Variants in NPLOC4 observed in about 807,000 individuals in gnomAD.
NPLOC4 encodes the protein nuclear protein localization protein 4 homolog.
Under a neutral mutation model 80.6 loss-of-function variants are expected in NPLOC4, and 18 were observed. That is an observed-to-expected ratio of 0.22 (90% CI 0.15 to 0.33). NPLOC4 has a LOEUF of 0.33. NPLOC4 is among the 10% of genes least tolerant of loss of function. NPLOC4 has a pLI of 1.00. For synonymous variants in NPLOC4, 313 were observed against 301.5 expected, an observed-to-expected ratio of 1.04 and a Z score of -0.39; for missense variants, 540 against 786.1, an observed-to-expected ratio of 0.69 and a Z score of 3.74.
intron 1 of NPLOC4, among the ~76,000 whole-genome samples, chr17:81,636,016 A>G (rs533707750): frequency 1.1e-4 from 17 of 150,072 alleles, no homozygotes; most frequent in African/African-American, 3.2e-4. Flanking sequence ...TCTATAGCCC[A>G]GGCTGGAGTG....
At chr17:81,623,097 A>T (rs1171963532) in intron 2 of NPLOC4, among the ~76,000 whole-genome samples, 1 of 140,852 alleles carries the variant, frequency 7.1e-6, no homozygotes, top group East Asian at 2.2e-4. Context: ...GTGAGGCTGA[A>T]GCAGGAGAAT....
At chr17:81,605,408 A>C in intron 7 of NPLOC4, among the ~76,000 whole-genome samples, 1 of 152,120 alleles carries the variant, frequency 6.6e-6, no homozygotes, top group East Asian at 1.9e-4. Flanking sequence ...GCACTATGGG[A>C]GGTGAGGCAG....
intron 3 of NPLOC4, among the ~76,000 whole-genome samples, chr17:81,619,139 C>G (rs2035590537): frequency 6.6e-6 from 1 of 151,878 alleles, no homozygotes; most frequent in Non-Finnish European, 1.5e-5. Context: ...GACCTTCCCT[C>G]CACTATTGTC....
chr17:81,579,543 C>A (rs2034384473), intron 12 of NPLOC4, among the ~76,000 whole-genome samples: 1 of 152,060 alleles, frequency 6.6e-6, no homozygotes, highest in Non-Finnish European at 1.5e-5. Flanking sequence ...CTGTGGCTTC[C>A]TGTGAGCAAG....
chr17:81,596,057 A>T, intron 11 of NPLOC4, 59 bp downstream of exon 11: 1 of 1,531,558 alleles, frequency 6.5e-7, no homozygotes. Context: ...TACCAAAAAG[A>T]GGAACAAAAT....
At chr17:81,578,691 GCACT>G (rs2034363131) in intron 12 of NPLOC4, among the ~76,000 whole-genome samples, 1 of 152,110 alleles carries the variant, frequency 6.6e-6, no homozygotes, top group Non-Finnish European at 1.5e-5. Flanking sequence ...TTGTGAGAAT[GCACT>G]CACTATCACT....
chr17:81,603,655 C>T (rs946305243), intron 8 of NPLOC4, among the ~76,000 whole-genome samples: 10 of 152,206 alleles, frequency 6.6e-5, no homozygotes, highest in African/African-American at 2.4e-4. Context: ...AAGAATTTTA[C>T]AGTGAATACT....
chr17:81,636,999 AC>A lies in NPLOC4; in HGVS notation c.-70del. 1 of 1,075,264 alleles carries A rather than the reference AC, an allele frequency of 9.3e-7. No homozygotes were observed. The highest frequency in any genetic ancestry group is 1.2e-6 in the Non-Finnish European group (1 of 852,396). 66.6% of individuals were successfully genotyped at this position (1,075,264 alleles called of 1,614,324 possible). On this transcript the variant is annotated 5_prime_UTR_variant, in exon 1 of 17. Coordinates refer to ENST00000331134, the MANE Select transcript of NPLOC4 (RefSeq NM_017921.4). ...GCCTGCCGCCCCAAGGGCCTCGCAG[AC>A]CCGGCCGCGGCCTCAGCCCCGGCCC... is the stretch of plus-strand genomic sequence containing the variant.
chr17:81,597,936 T>C (rs1290636182), intron 9 of NPLOC4, among the ~76,000 whole-genome samples: 1 of 140,926 alleles, frequency 7.1e-6, no homozygotes, highest in African/African-American at 2.7e-5. Flanking sequence ...CTACTAAAAA[T>C]AGAAAAAAAT....
intron 11 of NPLOC4, among the ~76,000 whole-genome samples, chr17:81,594,458 C>T (rs1454310435): frequency 1.3e-5 from 2 of 152,150 alleles, no homozygotes; most frequent in Non-Finnish European, 2.9e-5. Context: ...CTGGGCAACA[C>T]AGCAAGACTT....
intron 12 of NPLOC4, among the ~76,000 whole-genome samples, chr17:81,574,306 C>T (rs1475520493): frequency 6.6e-6 from 1 of 152,122 alleles, no homozygotes; most frequent in Non-Finnish European, 1.5e-5. Flanking sequence ...TCATGCTATT[C>T]TCTTTCAAAC....
chr17:81,619,874 G>A (rs1404641176), intron 3 of NPLOC4, among the ~76,000 whole-genome samples: 6 of 149,756 alleles, frequency 4.0e-5, no homozygotes, highest in Admixed American at 1.3e-4. Flanking sequence ...TTGAGACTCC[G>A]TCTCAAAAAA....
At chr17:81,615,103 T>TC (rs773420457) in intron 3 of NPLOC4, among the ~76,000 whole-genome samples, 20 of 138,112 alleles carry the variant, frequency 1.4e-4, no homozygotes, top group South Asian at 4.8e-4. Context: ...TCTGTTTCTT[T>TC]TTTTTTTTTT....
chr17:81,632,415 T>C (rs8081701), intron 1 of NPLOC4, among the ~76,000 whole-genome samples: 111,584 of 151,202 alleles, frequency 0.74, 42,281 homozygotes, highest in East Asian at 1. Flanking sequence ...CCGGTTCAAG[T>C]GATTCTCCTG....
At chr17:81,565,896 G>T (rs182593585) in intron 15 of NPLOC4, among the ~76,000 whole-genome samples, 2 of 152,322 alleles carry the variant, frequency 1.3e-5, no homozygotes, top group East Asian at 3.9e-4. Flanking sequence ...CATGCCTCTC[G>T]TCCTGGAGGC....
intron 8 of NPLOC4, among the ~76,000 whole-genome samples, chr17:81,602,650 G>A (rs2035088996): frequency 6.6e-6 from 1 of 151,272 alleles, no homozygotes; most frequent in Non-Finnish European, 1.5e-5. Context: ...TGAAGTGAGT[G>A]GAGATCATGC....
At chr17:81,587,803 G>A (rs1233641856) in intron 12 of NPLOC4, among the ~76,000 whole-genome samples, 1 of 149,832 alleles carries the variant, frequency 6.7e-6, no homozygotes, top group Admixed American at 6.7e-5. Flanking sequence ...CGAGTAGCTG[G>A]GACTACAGGT....
rs756808590 is a variant in NPLOC4 at position 81,559,338 on chromosome 17, A to G, written c.1748T>C (p.Met583Thr). 42 of 1,607,142 alleles carry G rather than the reference A, an allele frequency of 2.6e-5. No individual in the cohort carries two copies. The highest frequency in any genetic ancestry group is 3.2e-5 in the Non-Finnish European group (38 of 1,177,290). ...GGSTHTATAA[M>T]WACQHCTFMN... is the part of the protein sequence containing the mutation. ...GAACGTGCAGTGCTGACAGGCCCAC[A>G]TGGCTGCAGTGGCCGTGTGTGTGGA... The change falls in exon 17 of 17, where the codon ATG becomes ACG. Residue 583 changes from methionine (M) to threonine (T), a missense_variant. Physicochemically the swap from Met to Thr is moderately conservative, Grantham distance 81 (BLOSUM62 -1). This residue lies in a region of NPLOC4 where 87 missense variants were observed against 70.3 expected (regional missense o/e 1.24). Transcript: ENST00000331134.
Position 81,559,375 on chromosome 17 carries a change from C to T in NPLOC4, c.1711G>A (p.Ala571Thr), listed in dbSNP as rs760752376. The change falls in exon 17 of 17, where the codon GCC becomes ACC. Residue 571 changes from alanine (A) to threonine (T), a missense_variant. Ala to Thr is a moderately conservative substitution (Grantham distance 58). This residue lies in a region of NPLOC4 where 87 missense variants were observed against 70.3 expected (regional missense o/e 1.24). Coordinates refer to ENST00000331134, the MANE Select transcript of NPLOC4 (RefSeq NM_017921.4). ...GCCGTGTGTGTGGAGCCCCCGACGG[C>T]GCCGTACTCATGGAGACCTGGGAGC... ...GQLPGLHEYG[A>T]VGGSTHTATA... The T allele has an allele frequency of 2.0e-5, 33 of 1,609,806 alleles. No homozygotes were observed. Among genetic ancestry groups the T allele is most frequent in the East Asian group, 1.1e-4 (5 of 44,758 alleles).
Sources: gnomAD v4.1 joint callset for allele counts (sites outside exome capture counted in the v4.1 genomes callset) on GRCh38, gnomAD v4.1.1 for gene constraint, gnomAD v4.1.1 regional missense constraint, MANE v1.5 for transcripts, NCBI Gene and HGNC (gene_info 2026-07-23, HGNC 2026-07-21) for gene names.